The following ANO1 variants were observed in gnomAD, a reference collection of about 807,000 sequenced individuals.
ANO1 encodes anoctamin-1.
A neutral mutation model predicts 124.0 loss-of-function variants in ANO1; 59 were observed. That is an observed-to-expected ratio of 0.48 (90% CI 0.39 to 0.59). The LOEUF is 0.59. Ranked by LOEUF, ANO1 falls within the 20% of genes least tolerant of loss-of-function variation. The pLI is 0.00. For synonymous variants in ANO1, 529 were observed against 532.0 expected (o/e 0.99, Z 0.08); for missense variants, 1,059 against 1,328.0 (o/e 0.80, Z 3.15).
At chr11:70,042,398 A>G (rs1857196203) in intron 1 of ANO1, among the ~76,000 whole-genome samples, 1 of 152,350 alleles carries the variant, frequency 6.6e-6, no homozygotes, top group East Asian at 1.9e-4. Context: ...GAAGACAAAA[A>G]GATTAGAGTT....
the ANO1 span, among the ~76,000 whole-genome samples, chr11:69,966,684 G>A: frequency 6.6e-6 from 1 of 152,180 alleles, no homozygotes; most frequent in South Asian, 2.1e-4. Context: ...AGAGGCAGGG[G>A]ACAAGGAGAG....
chr11:70,039,496 G>A (rs1463661246), intron 1 of ANO1, among the ~76,000 whole-genome samples: 2 of 152,104 alleles, frequency 1.3e-5, no homozygotes, highest in Admixed American at 1.3e-4. Context: ...AATAGATGCA[G>A]GCAAAAAGTC....
intron 1 of ANO1, among the ~76,000 whole-genome samples, chr11:70,055,301 A>G (rs1219092899): frequency 2.0e-5 from 3 of 152,140 alleles, no homozygotes; most frequent in Non-Finnish European, 4.4e-5. Flanking sequence ...AAAATATACA[A>G]TCACAATTAA....
chr11:70,083,232 T>C (rs2044254769), intron 1 of ANO1, among the ~76,000 whole-genome samples: 1 of 152,186 alleles, frequency 6.6e-6, no homozygotes, highest in Admixed American at 6.5e-5. Context: ...CTAGGCCCTG[T>C]TGGAAACTCT....
chr11:70,180,118 G>A, intron 23 of ANO1, 62 bp downstream of exon 23: 3 of 1,489,816 alleles, frequency 2.0e-6, no homozygotes, highest in South Asian at 2.3e-5. Context: ...GGTGGCCGGG[G>A]CCCTGTGGAG....
chr11:70,055,856 G>A (rs1261818106), intron 1 of ANO1, among the ~76,000 whole-genome samples: 1 of 151,944 alleles, frequency 6.6e-6, no homozygotes, highest in Non-Finnish European at 1.5e-5. Context: ...GGTTGCACTA[G>A]AATTGCCACA....
In ANO1 at chr11:70,124,527, A is replaced by G. The variant is rs571885652; in HGVS notation, c.962+113A>G. The stretch of plus-strand genomic sequence containing the variant: ...GTTCAGTACCCGGGAACGTGTTTGA[A>G]CTCAAAGAGCTTGTGTAGGAAGACC... On this transcript the variant is annotated intron_variant, in intron 9 of 25. Transcript: ENST00000355303. 2.3e-5 allele frequency: 26 copies of G among 1,151,702 alleles called. No homozygotes were observed. In the African/African-American group the frequency reaches 2.4e-4, roughly 11 times the overall value. 71.3% of individuals were successfully genotyped at this position (1,151,702 alleles called of 1,614,324 possible). A position where few individuals can be genotyped will look rare whatever the true frequency, so the allele number is the denominator to read the frequency against.
In ANO1 at chr11:70,165,243, C is replaced by T. The variant is rs372600095; in HGVS notation, c.1951-227C>T. 15 of 552,122 alleles carry T rather than the reference C, an allele frequency of 2.7e-5. 1 individual carries two copies. The highest frequency in any genetic ancestry group is 2.1e-4 in the African/African-American group (11 of 52,460). 34.2% of individuals were successfully genotyped at this position (552,122 alleles called of 1,614,324 possible). A position where few individuals can be genotyped will look rare whatever the true frequency, so the allele number is the denominator to read the frequency against. ...CTGAGGACATCAGTCCTCAGATGGG[C>T]GCCCCATCTGAAAACACCCCAGCAT... On this transcript the variant is annotated intron_variant, in intron 19 of 25. Coordinates refer to ENST00000355303, the MANE Select transcript of ANO1 (RefSeq NM_018043.7).
chr11:70,010,162 T>TGA (rs1555000802), intron 1 of ANO1, among the ~76,000 whole-genome samples: 2 of 75,342 alleles, frequency 2.7e-5, no homozygotes, highest in East Asian at 5.9e-4. Flanking sequence ...TGTGTGTGTG[T>TGA]GTGCGCGTGT....
intron 14 of ANO1, among the ~76,000 whole-genome samples, chr11:70,154,656 C>T (rs1203823781): frequency 2.0e-5 from 3 of 151,776 alleles, no homozygotes; most frequent in South Asian, 4.2e-4. Flanking sequence ...TTAGTAGAGA[C>T]GGGGTTTCAC....
chr11:70,010,675 A>G (rs1193440175), intron 1 of ANO1, among the ~76,000 whole-genome samples: 1 of 152,050 alleles, frequency 6.6e-6, no homozygotes, highest in Non-Finnish European at 1.5e-5. Context: ...CTCAAACAGC[A>G]ATGGAATCAG....
the ANO1 span, among the ~76,000 whole-genome samples, chr11:69,975,135 C>A: frequency 1.3e-5 from 2 of 152,182 alleles, no homozygotes; most frequent in Non-Finnish European, 2.9e-5. Flanking sequence ...AACCTGCTCT[C>A]TCCGGGTCAG....
At chr11:70,084,012 C>A (rs59555197) in intron 1 of ANO1, among the ~76,000 whole-genome samples, 3 of 151,752 alleles carry the variant, frequency 2.0e-5, no homozygotes, top group Non-Finnish European at 2.9e-5. Flanking sequence ...ACAGAAAGGG[C>A]GTACAGGGAG....
chr11:70,172,898 T>C (rs2048531225), intron 22 of ANO1, among the ~76,000 whole-genome samples: 1 of 152,094 alleles, frequency 6.6e-6, no homozygotes. Flanking sequence ...CTTTATCAAT[T>C]GTTCCAAGGG....
intron 7 of ANO1, among the ~76,000 whole-genome samples, chr11:70,115,224 G>A (rs374776718): frequency 6.6e-6 from 1 of 152,086 alleles, no homozygotes; most frequent in African/African-American, 2.4e-5. Context: ...ACCTGGCAGG[G>A]GTTAGAAGGG....
rs1000943005 is a variant in ANO1 at position 70,105,736 on chromosome 11, T to G, written c.695T>G (p.Phe232Cys). The G allele has an allele frequency of 4.9e-5, 79 of 1,613,534 alleles. No homozygotes were observed. The highest frequency in any genetic ancestry group is 6.0e-5 in the Non-Finnish European group (71 of 1,179,706). The change falls in exon 5 of 26, where the codon TTT (phenylalanine) becomes TGT (cysteine). Residue 232 changes from phenylalanine (F) to cysteine (C), a missense_variant and splice_region_variant. Physicochemically the swap from Phe to Cys is radical, Grantham distance 205 (BLOSUM62 -2). Coordinates refer to ENST00000355303, the MANE Select transcript of ANO1 (RefSeq NM_018043.7). ...TTTCCTTCCCGATATTTCCACAGAT[T>G]TGACTTGTCTGATAAGGATTCCTTT... ...YPFSREKQHL[F>C]DLSDKDSFFD... is the part of the protein sequence containing the mutation.
the ANO1 span, among the ~76,000 whole-genome samples, chr11:69,974,817 G>T: frequency 1.3e-5 from 2 of 151,356 alleles, no homozygotes; most frequent in Admixed American, 6.6e-5. Flanking sequence ...TGTGGATCAG[G>T]ATTCCTGGCT....
At chr11:70,122,756 C>T (rs1450348645) in intron 8 of ANO1, among the ~76,000 whole-genome samples, 2 of 152,042 alleles carry the variant, frequency 1.3e-5, no homozygotes, top group Non-Finnish European at 2.9e-5. Context: ...TCTGTCTCCC[C>T]CCTTCCTCCC....
chr11:70,046,564 C>T (rs542656619), intron 1 of ANO1, among the ~76,000 whole-genome samples: 17 of 152,216 alleles, frequency 1.1e-4, no homozygotes, highest in Non-Finnish European at 2.1e-4. Context: ...TGAGACTACC[C>T]GGCCACTGAG....
Sources: gnomAD v4.1 joint callset for allele counts (sites outside exome capture counted in the v4.1 genomes callset) on GRCh38, gnomAD v4.1.1 for gene constraint, MANE v1.5 for transcripts, NCBI Gene and HGNC (gene_info 2026-07-23, HGNC 2026-07-21) for gene names.